The following RTN4 variants were observed in gnomAD, a reference collection of about 807,000 sequenced individuals.
RTN4 encodes the protein reticulon-4.
Under a neutral mutation model 90.4 loss-of-function variants are expected in RTN4, and 32 were observed. The observed-to-expected ratio is 0.35, with a 90% confidence interval of 0.27 to 0.48. The LOEUF is 0.48. RTN4 is among the 20% of genes least tolerant of loss of function. RTN4 has a pLI of 0.99. For synonymous variants in RTN4, 629 were observed against 552.5 expected (o/e 1.14, Z -1.94); for missense variants, 1,706 against 1,430.2 (o/e 1.19, Z -3.11).
At chr2:55,053,777 C>T (rs1030931227), upstream of RTN4, among the ~76,000 whole-genome samples, 4 of 152,080 alleles carry the variant, frequency 2.6e-5, no homozygotes, top group African/African-American at 9.7e-5. Flanking sequence ...TGGTTAGTAG[C>T]TGTTCTCTCT....
chr2:55,038,912 G>T (rs1682872372), intron 1 of RTN4, among the ~76,000 whole-genome samples: 1 of 152,230 alleles, frequency 6.6e-6, no homozygotes, highest in Non-Finnish European at 1.5e-5. Flanking sequence ...ATACCACTCA[G>T]CAGTTAAAAG....
chr2:55,027,765 A>C (rs1464859139), intron 2 of RTN4, among the ~76,000 whole-genome samples: 2 of 152,200 alleles, frequency 1.3e-5, no homozygotes, highest in Admixed American at 6.5e-5. Flanking sequence ...TAAGATACTA[A>C]TAGCTAGTTT....
intron 2 of RTN4, among the ~76,000 whole-genome samples, chr2:55,075,918 C>T (rs576062465): frequency 1.1e-4 from 16 of 152,274 alleles, no homozygotes; most frequent in African/African-American, 3.9e-4. Context: ...TCTCATATCT[C>T]ACCCTATACA....
chr2:55,106,674 C>A (rs1667949555), intron 1 of RTN4, among the ~76,000 whole-genome samples: 1 of 152,064 alleles, frequency 6.6e-6, no homozygotes, highest in East Asian at 1.9e-4. Flanking sequence ...CGTGCACCAC[C>A]ATGCCCGGCT....
At chr2:55,081,037 C>T (rs1668703930) in intron 1 of RTN4, among the ~76,000 whole-genome samples, 1 of 150,248 alleles carries the variant, frequency 6.7e-6, no homozygotes, top group South Asian at 2.1e-4. Flanking sequence ...TTTCTTTTTC[C>T]CTCTTTCCTT....
chr2:55,119,114 C>T, the RTN4 span, among the ~76,000 whole-genome samples: 1 of 152,178 alleles, frequency 6.6e-6, no homozygotes, highest in Non-Finnish European at 1.5e-5. Context: ...AGGTGGGAGG[C>T]TGGATGGACT....
At chr2:55,081,277 A>G (rs1272674498) in intron 1 of RTN4, among the ~76,000 whole-genome samples, 2 of 151,976 alleles carry the variant, frequency 1.3e-5, no homozygotes, top group African/African-American at 4.8e-5. Context: ...GGGTCTCACT[A>G]TGTTGTCCAG....
At chr2:55,136,137 C>A in the RTN4 span, among the ~76,000 whole-genome samples, 116 of 152,300 alleles carry the variant, frequency 7.6e-4, no homozygotes, top group African/African-American at 2.6e-3. Context: ...TGATCAGCCG[C>A]TTCCTGATAA....
intron 3 of RTN4, 113 bp from the exon 4 acceptor site, chr2:54,987,811 TAAAGA>T (rs372031842): frequency 1.2e-6 from 1 of 816,660 alleles, no homozygotes; most frequent in Non-Finnish European, 1.9e-6. Context: ...CCTAAAAATT[TAAAGA>T]AACACTAAGT....
At chr2:55,070,197 A>T (rs1292269591) in intron 2 of RTN4, among the ~76,000 whole-genome samples, 1 of 152,038 alleles carries the variant, frequency 6.6e-6, no homozygotes, top group East Asian at 1.9e-4. Flanking sequence ...TAGCGGGATC[A>T]CCAGCTGCTA....
rs1447183979 is a variant in RTN4, at chr2:55,027,268, T to A, written c.831A>T (p.Ser277=). 2.5e-6 allele frequency: 4 copies of A among 1,613,666 alleles called. No individual in the cohort carries two copies. In the African/African-American group the frequency reaches 5.3e-5, roughly 22 times the overall value. ...CTATGAGTAGAGTTTTTGCCTTCTC[T>A]GAGACCTCTTTAGAAGCTTCACTGA... ...ENVSEASKEV[S]EKAKTLLIDR... The change falls in exon 3 of 9, where the codon TCA becomes TCT. Residue 277 remains serine (S), a synonymous_variant. Transcript: ENST00000337526.
chr2:55,092,028 G>A (rs1046307216), intron 1 of RTN4, among the ~76,000 whole-genome samples: 3 of 152,002 alleles, frequency 2.0e-5, no homozygotes, highest in African/African-American at 7.3e-5. Context: ...TTTGGGTGGG[G>A]ACACAGCCAA....
At chr2:55,042,439 T>C (rs1683139603) in intron 1 of RTN4, among the ~76,000 whole-genome samples, 1 of 151,996 alleles carries the variant, frequency 6.6e-6, no homozygotes, top group Non-Finnish European at 1.5e-5. Context: ...ATCCCCAGAG[T>C]CCTCTGCATC....
At chr2:55,070,580 A>AAAAAT (rs1368565060) in intron 2 of RTN4, among the ~76,000 whole-genome samples, 5 of 151,290 alleles carry the variant, frequency 3.3e-5, no homozygotes, top group African/African-American at 1.2e-4. Flanking sequence ...AGAAAGAAAG[A>AAAAAT]AAAATAAAAT....
intron 2 of RTN4, among the ~76,000 whole-genome samples, chr2:55,075,882 C>T (rs1411713927): frequency 6.6e-6 from 1 of 152,082 alleles, no homozygotes; most frequent in African/African-American, 2.4e-5. Flanking sequence ...AATTGGCAAG[C>T]CGCATGTAAA....
chr2:54,990,272 A>T lies in RTN4; in HGVS notation c.3014-2574T>A, dbSNP rs540801558. 5.3e-5 allele frequency among the ~76,000 whole-genome samples: 8 copies of T among 152,330 alleles called. No homozygotes were observed. The East Asian group carries it at 1.5e-3, about 29-fold the overall frequency. On this transcript the variant is annotated intron_variant, in intron 3 of 8. Transcript: ENST00000337526. Reference sequence around the variant, plus strand: ...TATGTATTTCAAATAACTGAGAGTAAATTTCATGTCTCACCACAAAAATAA... The same window carrying T: ...TATGTATTTCAAATAACTGAGAGTATATTTCATGTCTCACCACAAAAATAA...
intron 2 of RTN4, among the ~76,000 whole-genome samples, chr2:55,074,672 A>G (rs956897837): frequency 1.3e-5 from 2 of 152,216 alleles, no homozygotes; most frequent in African/African-American, 2.4e-5. Flanking sequence ...AGATACAAAA[A>G]TCCTCAACAA....
the RTN4 span, among the ~76,000 whole-genome samples, chr2:55,131,262 G>A: frequency 6.6e-6 from 1 of 151,832 alleles, no homozygotes; most frequent in Admixed American, 6.6e-5. Flanking sequence ...AGGCTGGAGT[G>A]CAGTGGTGCA....
intron 1 of RTN4, among the ~76,000 whole-genome samples, chr2:55,110,756 C>T (rs1238943375): frequency 6.6e-6 from 1 of 152,144 alleles, no homozygotes; most frequent in East Asian, 1.9e-4. Flanking sequence ...TATATCTACG[C>T]CAGGCCAGGC....
Sources: gnomAD v4.1 joint callset for allele counts (sites outside exome capture counted in the v4.1 genomes callset) on GRCh38, gnomAD v4.1.1 for gene constraint, MANE v1.5 for transcripts, NCBI Gene and HGNC (gene_info 2026-07-23, HGNC 2026-07-21) for gene names.